ADGRB3: variants seen among roughly 807,000 people sequenced by gnomAD.
ADGRB3 encodes adhesion G protein-coupled receptor B3.
In ADGRB3, 37 loss-of-function variants were observed where a neutral mutation model predicts 193.4. The observed-to-expected ratio is 0.19, with a 90% CI of 0.15 to 0.25. ADGRB3 has a LOEUF of 0.25. Ranked by LOEUF, ADGRB3 falls within the 10% of genes least tolerant of loss-of-function variation. The pLI is 1.00. For missense variants in ADGRB3, 1,637 were observed against 1,852.9 expected (o/e 0.88, Z 2.14); for synonymous variants, 690 against 644.2 (o/e 1.07, Z -1.08).
At chr6:68,972,362 C>A (rs1428629146) in intron 8 of ADGRB3, among the ~76,000 whole-genome samples, 1 of 152,152 alleles carries the variant, frequency 6.6e-6, no homozygotes, top group Non-Finnish European at 1.5e-5. Context: ...AGCTCTCCTG[C>A]CCCATTTAAC....
Position 68,900,623 on chromosome 6 carries a change from T to C in ADGRB3, c.758-29936T>C, listed in dbSNP as rs542762976. 2.0e-5 allele frequency among the ~76,000 whole-genome samples: 3 copies of C among 152,258 alleles called. No homozygotes were observed. In the South Asian group the frequency reaches 6.2e-4, roughly 32 times the overall value. On this transcript the variant is annotated intron_variant, in intron 3 of 31. Coordinates refer to ENST00000370598, the MANE Select transcript of ADGRB3 (RefSeq NM_001704.3). ...CTCCTGTCATTGCCCACTGAGCTCA[T>C]GAACAAAGTACCATGGTGACAAGGA...
intron 13 of ADGRB3, among the ~76,000 whole-genome samples, chr6:69,033,886 A>G (rs1260401347): frequency 6.6e-6 from 1 of 152,094 alleles, no homozygotes; most frequent in Admixed American, 6.6e-5. Context: ...AATTGTCTAT[A>G]CTGGACAGTA....
intron 30 of ADGRB3, among the ~76,000 whole-genome samples, chr6:69,382,604 T>C (rs552999821): frequency 1.3e-5 from 2 of 152,006 alleles, no homozygotes; most frequent in East Asian, 3.9e-4. Flanking sequence ...AAAACCTTTT[T>C]TTTGTAGTCT....
Position 69,268,413 on chromosome 6 carries a change from C to T in ADGRB3, c.2814+29187C>T, listed in dbSNP as rs146064690. ...GTCAGATCCAATGTATTACATTAAA[C>T]AGTTTTGACATTATATCCAGTTGAA... is the stretch of plus-strand genomic sequence containing the variant. On this transcript the variant is annotated intron_variant, in intron 20 of 31. Coordinates refer to ENST00000370598, the MANE Select transcript of ADGRB3 (RefSeq NM_001704.3). Among the ~76,000 whole-genome samples the T allele has an allele frequency of 2.2e-4, 33 of 152,218 alleles. 2 individuals are homozygous for T. Among genetic ancestry groups the T allele is most frequent in the African/African-American group, 7.0e-4 (29 of 41,550 alleles).
In ADGRB3 at chr6:68,796,361, G is replaced by A. The variant is rs537718908; in HGVS notation, c.758-134198G>A. On this transcript the variant is annotated intron_variant, in intron 3 of 31. Transcript: ENST00000370598. The stretch of plus-strand genomic sequence containing the variant: ...GAAGCCTTGTATTAATATATTATAT[G>A]TCTAAACCCTCTTCTACCTAACAAT... 2.1e-4 allele frequency among the ~76,000 whole-genome samples: 32 copies of A among 152,036 alleles called. No homozygotes were observed. In the South Asian group the frequency reaches 6.6e-3, roughly 32 times the overall value.
At chr6:69,077,018 A>C (rs1258992403) in intron 17 of ADGRB3, among the ~76,000 whole-genome samples, 3 of 151,964 alleles carry the variant, frequency 2.0e-5, no homozygotes, top group African/African-American at 7.2e-5. Flanking sequence ...CAGTCCTAGG[A>C]TGCTGATATA....
At chr6:68,787,973 T>A (rs1234172037) in intron 3 of ADGRB3, among the ~76,000 whole-genome samples, 4 of 152,300 alleles carry the variant, frequency 2.6e-5, no homozygotes. Flanking sequence ...TGATGGTAGT[T>A]TGTATTTCTG....
chr6:69,194,209 A>G (rs986256147), intron 17 of ADGRB3, among the ~76,000 whole-genome samples: 3 of 152,110 alleles, frequency 2.0e-5, no homozygotes, highest in African/African-American at 7.2e-5. Context: ...ACCTTACCCA[A>G]AATAAAAAAG....
intron 13 of ADGRB3, among the ~76,000 whole-genome samples, chr6:69,036,552 T>C (rs2150296054): frequency 6.6e-6 from 1 of 151,992 alleles, no homozygotes; most frequent in East Asian, 1.9e-4. Context: ...AAGTCTAGCG[T>C]GGGAGGCAGA....
intron 3 of ADGRB3, among the ~76,000 whole-genome samples, chr6:68,794,971 A>C (rs1407075730): frequency 6.6e-6 from 1 of 152,064 alleles, no homozygotes; most frequent in African/African-American, 2.4e-5. Context: ...GTTCTATATA[A>C]ATTTTTATAA....
intron 3 of ADGRB3, among the ~76,000 whole-genome samples, chr6:68,930,268 T>A (rs905341053): frequency 1.3e-5 from 2 of 152,094 alleles, no homozygotes; most frequent in Admixed American, 6.6e-5. Context: ...TTTTTTCTTA[T>A]GTGTTACTTC....
intron 26 of ADGRB3, among the ~76,000 whole-genome samples, chr6:69,351,838 C>A (rs889714434): frequency 2.6e-5 from 4 of 152,138 alleles, no homozygotes; most frequent in Non-Finnish European, 5.9e-5. Flanking sequence ...GGTAACTATG[C>A]TTTGAAGGTC....
intron 3 of ADGRB3, among the ~76,000 whole-genome samples, chr6:68,794,869 C>T (rs1767176508): frequency 6.6e-6 from 1 of 152,044 alleles, no homozygotes; most frequent in South Asian, 2.1e-4. Flanking sequence ...CAGTACCAGG[C>T]AAAGGTGGAG....
At chr6:68,948,127 T>A (rs1767821639) in intron 6 of ADGRB3, among the ~76,000 whole-genome samples, 1 of 152,150 alleles carries the variant, frequency 6.6e-6, no homozygotes, top group Non-Finnish European at 1.5e-5. Flanking sequence ...AGACCAGCCA[T>A]AATTGGTAAA....
chr6:68,669,606 G>T (rs1323093995), intron 3 of ADGRB3, among the ~76,000 whole-genome samples: 5 of 20,192 alleles, frequency 2.5e-4, no homozygotes, highest in African/African-American at 3.2e-4. Flanking sequence ...ATACTCCATT[G>T]TGTGTGTGTG....
chr6:69,059,316 T>G (rs1289039920), intron 15 of ADGRB3, among the ~76,000 whole-genome samples: 1 of 152,150 alleles, frequency 6.6e-6, no homozygotes, highest in African/African-American at 2.4e-5. Flanking sequence ...GGATGTTTTA[T>G]CCATACTTTT....
intron 30 of ADGRB3, among the ~76,000 whole-genome samples, chr6:69,374,086 G>A (rs950215055): frequency 7.2e-5 from 11 of 152,000 alleles, no homozygotes; most frequent in East Asian, 5.8e-4. Context: ...AAGAACCCCG[G>A]ACATGTCTTT....
chr6:68,676,895 T>C (rs540508769), intron 3 of ADGRB3, among the ~76,000 whole-genome samples: 1 of 152,278 alleles, frequency 6.6e-6, no homozygotes, highest in South Asian at 2.1e-4. Context: ...TAAATTCTAA[T>C]AGTCCCTAAT....
At position 69,190,518 on chromosome 6, in the gene ADGRB3, A is replaced by G. The variant is rs182316880; in HGVS notation, c.2481-42772A>G. ...GAGTCAAAAAGTTAAAAAATATTAA[A>G]AAGTTTGTAAAGTAAAAAAGTTACA... is the stretch of plus-strand genomic sequence containing the variant. On this transcript the variant is annotated intron_variant, in intron 17 of 31. Coordinates refer to ENST00000370598, the MANE Select transcript of ADGRB3 (RefSeq NM_001704.3). Among the ~76,000 whole-genome samples the G allele has an allele frequency of 8.5e-5, 13 of 152,238 alleles. No individual in the cohort carries two copies. In the South Asian group the frequency reaches 2.1e-3, roughly 24 times the overall value.
Sources: gnomAD v4.1 joint callset for allele counts (sites outside exome capture counted in the v4.1 genomes callset) on GRCh38, gnomAD v4.1.1 for gene constraint, MANE v1.5 for transcripts, NCBI Gene and HGNC (gene_info 2026-07-23, HGNC 2026-07-21) for gene names.